Variants in ARHGAP26 observed in about 807,000 individuals in gnomAD.
ARHGAP26 encodes the protein rho GTPase-activating protein 26.
A neutral mutation model predicts 104.8 loss-of-function variants in ARHGAP26; 38 were observed. That is an observed-to-expected ratio of 0.36 (90% CI 0.28 to 0.48). ARHGAP26 has a LOEUF of 0.48. Among genes scored for constraint, ARHGAP26 ranks in the 20% least tolerant of loss-of-function variants. The pLI, the probability that ARHGAP26 is intolerant of heterozygous loss-of-function variation, is 0.99. For missense variants in ARHGAP26, 704 were observed against 947.9 expected (o/e 0.74, Z 3.38); for synonymous variants, 341 against 340.0 (o/e 1.00, Z -0.03).
intron 20 of ARHGAP26, among the ~76,000 whole-genome samples, chr5:143,154,538 G>A (rs1443179292): frequency 6.6e-6 from 1 of 152,184 alleles, no homozygotes; most frequent in East Asian, 1.9e-4. Flanking sequence ...TTCCTGTGCA[G>A]AGAAATGTCC....
At chr5:143,170,659 C>G (rs1450113097) in intron 20 of ARHGAP26, 1 of 152,140 alleles carries the variant, frequency 6.6e-6, no homozygotes, top group South Asian at 2.1e-4. Flanking sequence ...AACATAATGC[C>G]GGAGGTACTG....
chr5:142,847,436 C>A (rs191845038), intron 1 of ARHGAP26, among the ~76,000 whole-genome samples: 1 of 152,126 alleles, frequency 6.6e-6, no homozygotes, highest in African/African-American at 2.4e-5. Context: ...CGGCTCACAG[C>A]AACCTCTGCC....
chr5:143,059,487 T>A (rs892041014), intron 17 of ARHGAP26, among the ~76,000 whole-genome samples: 2 of 152,230 alleles, frequency 1.3e-5, no homozygotes, highest in Non-Finnish European at 2.9e-5. Context: ...ACCAAACCCT[T>A]AAGGTAGATC....
At chr5:143,135,289 A>G (rs1162268733) in intron 19 of ARHGAP26, among the ~76,000 whole-genome samples, 1 of 152,124 alleles carries the variant, frequency 6.6e-6, no homozygotes, top group Non-Finnish European at 1.5e-5. Context: ...TTTCTATTTC[A>G]TGGGGTTGTT....
chr5:142,772,440 C>T (rs1460372771), intron 1 of ARHGAP26, among the ~76,000 whole-genome samples: 1 of 152,212 alleles, frequency 6.6e-6, no homozygotes, highest in South Asian at 2.1e-4. Context: ...GATTGAACCT[C>T]AGGCTGGCTT....
Position 143,106,466 on chromosome 5 carries a change from C to CTTTTTTTTTT in ARHGAP26, c.1539-14507_1539-14498dup, listed in dbSNP as rs70991793. ...CTCCTTTGGAATACAATGCATTGGG[C>CTTTTTTTTTT]TTTTTTTTTTTTTTTTTTTTTTTTG... On this transcript the variant is annotated intron_variant, in intron 17 of 22. Coordinates refer to ENST00000645722, the MANE Select transcript of ARHGAP26 (RefSeq NM_001135608.3). 1.3e-4 allele frequency among the ~76,000 whole-genome samples: 10 copies of CTTTTTTTTTT among 77,290 alleles called. 1 individual carries two copies. Among genetic ancestry groups the CTTTTTTTTTT allele is most frequent in the East Asian group, 9.4e-4 (2 of 2,128 alleles). The allele number at this position is 77,290 out of a possible 152,430, so 50.7% of individuals were successfully genotyped here.
intron 20 of ARHGAP26, among the ~76,000 whole-genome samples, chr5:143,175,830 T>C (rs1326177566): frequency 5.3e-5 from 8 of 152,162 alleles, no homozygotes. Context: ...TATGGCACAA[T>C]AGGCCAGGCA....
chr5:142,940,670 A>G (rs1562119728), intron 11 of ARHGAP26, among the ~76,000 whole-genome samples: 1 of 152,036 alleles, frequency 6.6e-6, no homozygotes, highest in Non-Finnish European at 1.5e-5. Context: ...CGTGGTGTAT[A>G]TTTACCATAT....
intron 19 of ARHGAP26, among the ~76,000 whole-genome samples, chr5:143,139,022 G>T (rs186907592): frequency 8.9e-4 from 136 of 152,218 alleles, no homozygotes; most frequent in Middle Eastern, 3.4e-3. Context: ...GACCTAGTCC[G>T]CGAACTCTTC....
At chr5:142,897,425 G>A (rs892921384) in intron 6 of ARHGAP26, among the ~76,000 whole-genome samples, 1 of 152,194 alleles carries the variant, frequency 6.6e-6, no homozygotes, top group Admixed American at 6.5e-5. Context: ...TTCTAGGCAG[G>A]TCAGTGGCTT....
intron 11 of ARHGAP26, among the ~76,000 whole-genome samples, chr5:143,012,552 C>CATATATATATATAT (rs3073231): frequency 0.034 from 699 of 20,782 alleles, 85 homozygotes; most frequent in African/African-American, 0.069. Context: ...TACATACATA[C>CATATATATATATAT]ATATATATAT....
At chr5:143,114,633 G>A (rs988037847) in intron 17 of ARHGAP26, among the ~76,000 whole-genome samples, 43 of 152,244 alleles carry the variant, frequency 2.8e-4, no homozygotes, top group African/African-American at 1.0e-3. Flanking sequence ...CTGCAGCTTA[G>A]TTACCCACCC....
chr5:142,947,456 A>G (rs533801190), intron 11 of ARHGAP26, among the ~76,000 whole-genome samples: 2 of 152,256 alleles, frequency 1.3e-5, no homozygotes, highest in South Asian at 2.1e-4. Flanking sequence ...GGCATTTTGG[A>G]TGGATACCAA....
In ARHGAP26 at chr5:142,971,705, T is replaced by A. The variant is rs190126175; in HGVS notation, c.1107+39580T>A. ...GATCCTATGAAGGTAGACACAATTA[T>A]CCCTGTTTTGCATTTCAGGAAACCA... On this transcript the variant is annotated intron_variant, in intron 11 of 22. Coordinates refer to ENST00000645722, the MANE Select transcript of ARHGAP26 (RefSeq NM_001135608.3). Among the ~76,000 whole-genome samples, 218 of 152,274 alleles carry A rather than the reference T, an allele frequency of 1.4e-3. 3 individuals carry two copies. The highest frequency in any genetic ancestry group is 3.4e-3 in the Middle Eastern group (1 of 294).
intron 11 of ARHGAP26, chr5:142,947,118 A>AAAAAAAG (rs1336588621): frequency 2.2e-4 from 32 of 144,592 alleles, no homozygotes; most frequent in Middle Eastern, 3.6e-3. Context: ...AAAAAAAAAA[A>AAAAAAAG]AGAGAGAGAG....
At chr5:143,020,363 G>A (rs1780148962) in intron 12 of ARHGAP26, among the ~76,000 whole-genome samples, 1 of 152,178 alleles carries the variant, frequency 6.6e-6, no homozygotes, top group Non-Finnish European at 1.5e-5. Flanking sequence ...GATCTGCTGT[G>A]GAGGTTCAGA....
At chr5:143,040,788 G>T (rs908363771) in intron 13 of ARHGAP26, among the ~76,000 whole-genome samples, 1 of 152,220 alleles carries the variant, frequency 6.6e-6, no homozygotes, top group African/African-American at 2.4e-5. Flanking sequence ...CATGAGCTTG[G>T]CATGTTGAGG....
intron 1 of ARHGAP26, among the ~76,000 whole-genome samples, chr5:142,807,989 A>G (rs191842829): frequency 5.5e-4 from 83 of 152,182 alleles, no homozygotes; most frequent in African/African-American, 1.9e-3. Flanking sequence ...TAATCCCAGC[A>G]CTTTGGGAGG....
chr5:143,053,817 A>G lies in ARHGAP26; in HGVS notation c.1286-622A>G, dbSNP rs74512065. 0.026 allele frequency among the ~76,000 whole-genome samples: 3,919 copies of G among 152,334 alleles called. 777 individuals carry two copies. In the East Asian group the frequency reaches 0.53, roughly 20 times the overall value. ...AGAGTATTTCCTTTCAGCCTTGTTC[A>G]TATAAAAAGTTCATAGAAAAAGTTT... On this transcript the variant is annotated intron_variant, in intron 14 of 22. Transcript: ENST00000645722.
Sources: allele counts gnomAD v4.1 joint callset (sites outside exome capture counted in the v4.1 genomes callset), GRCh38; gene constraint gnomAD v4.1.1; transcripts MANE v1.5; gene names NCBI Gene and HGNC (gene_info 2026-07-23, HGNC 2026-07-21).